CNOT6L: variants seen among roughly 807,000 people sequenced by gnomAD.
The protein encoded by CNOT6L is CCR4-NOT transcription complex subunit 6-like.
CNOT6L carries 7 observed loss-of-function variants against 64.0 expected under a neutral mutation model. That is an observed-to-expected ratio of 0.11 (90% CI 0.06 to 0.21). CNOT6L has a LOEUF of 0.21. Among genes scored for constraint, CNOT6L ranks in the 10% least tolerant of loss-of-function variants. CNOT6L has a pLI of 1.00. For synonymous variants in CNOT6L, 193 were observed against 243.4 expected, an observed-to-expected ratio of 0.79 and a Z score of 1.93; for missense variants, 245 against 669.0, an observed-to-expected ratio of 0.37 and a Z score of 6.99.
chr4:77,819,075 C>CACACACA (rs71214371), intron 1 of CNOT6L: 297 of 732,496 alleles, frequency 4.1e-4, no homozygotes, highest in Middle Eastern at 6.6e-4. Flanking sequence ...CACACACACA[C>CACACACA]CCCGGAACCT....
intron 7 of CNOT6L, among the ~76,000 whole-genome samples, chr4:77,742,921 T>C (rs1450517107): frequency 6.6e-6 from 1 of 152,184 alleles, no homozygotes; most frequent in Non-Finnish European, 1.5e-5. Context: ...TATGCAGATG[T>C]TTCTAACAGC....
At chr4:77,752,395 C>A (rs544600157) in intron 5 of CNOT6L, among the ~76,000 whole-genome samples, 14 of 152,058 alleles carry the variant, frequency 9.2e-5, no homozygotes, top group Non-Finnish European at 1.9e-4. Flanking sequence ...ATATAATGAA[C>A]AAACAAACTA....
chr4:77,737,875 G>GT (rs1560579623), intron 8 of CNOT6L, among the ~76,000 whole-genome samples: 93 of 152,218 alleles, frequency 6.1e-4, no homozygotes, highest in African/African-American at 2.2e-3. Context: ...GAAATTACCA[G>GT]AAGAGTACAG....
At chr4:77,726,920 AG>A (rs1458592114) in intron 10 of CNOT6L, among the ~76,000 whole-genome samples, 16 of 152,316 alleles carry the variant, frequency 1.1e-4, no homozygotes, top group East Asian at 3.9e-4. Context: ...GACACTATAA[AG>A]CATATTATAT....
chr4:77,788,972 A>C (rs1183644608), intron 1 of CNOT6L, among the ~76,000 whole-genome samples: 1 of 152,164 alleles, frequency 6.6e-6, no homozygotes, highest in Admixed American at 6.5e-5. Flanking sequence ...CTCTCTTTTC[A>C]TAAGTAAATA....
At chr4:77,801,364 G>C (rs1364646454) in intron 1 of CNOT6L, among the ~76,000 whole-genome samples, 2 of 152,010 alleles carry the variant, frequency 1.3e-5, no homozygotes, top group African/African-American at 4.8e-5. Flanking sequence ...CACTCACAAC[G>C]CCAGCTTCAC....
chr4:77,762,935 A>C (rs1726403701), intron 4 of CNOT6L, among the ~76,000 whole-genome samples: 1 of 152,184 alleles, frequency 6.6e-6, no homozygotes. Flanking sequence ...GAATTTCACT[A>C]TGTATAAATA....
At chr4:77,805,724 T>C (rs1732138944) in intron 1 of CNOT6L, among the ~76,000 whole-genome samples, 1 of 152,214 alleles carries the variant, frequency 6.6e-6, no homozygotes. Flanking sequence ...CAAGTCCTAT[T>C]TACTTTATTT....
chr4:77,759,225 C>T (rs1560593699), intron 4 of CNOT6L, among the ~76,000 whole-genome samples: 3 of 151,656 alleles, frequency 2.0e-5, no homozygotes, highest in African/African-American at 7.3e-5. Context: ...CATTTAAAAA[C>T]AGATTATAGT....
intron 11 of CNOT6L, among the ~76,000 whole-genome samples, chr4:77,722,786 T>C (rs1412452238): frequency 6.6e-6 from 1 of 152,168 alleles, no homozygotes; most frequent in Non-Finnish European, 1.5e-5. Context: ...TATGCATCTA[T>C]GAGGAGGATC....
At chr4:77,790,973 C>T (rs954238563) in intron 1 of CNOT6L, among the ~76,000 whole-genome samples, 10 of 150,952 alleles carry the variant, frequency 6.6e-5, no homozygotes, top group African/African-American at 2.4e-4. Flanking sequence ...AAAACTTTCA[C>T]ATTTTTAAAA....
intron 11 of CNOT6L, among the ~76,000 whole-genome samples, chr4:77,724,394 T>C (rs1333191189): frequency 2.6e-5 from 4 of 151,218 alleles, no homozygotes; most frequent in African/African-American, 4.9e-5. Flanking sequence ...ATCCCAGCAC[T>C]TTGGGAGGCT....
chr4:77,780,454 C>T (rs1018179636), intron 1 of CNOT6L, among the ~76,000 whole-genome samples: 8 of 152,224 alleles, frequency 5.3e-5, no homozygotes, highest in Non-Finnish European at 1.2e-4. Flanking sequence ...CAACACCTTT[C>T]CAACTTTGCC....
chr4:77,780,832 A>G (rs928037164), intron 1 of CNOT6L, among the ~76,000 whole-genome samples: 10 of 152,182 alleles, frequency 6.6e-5, no homozygotes, highest in African/African-American at 1.9e-4. Context: ...GCACAGCAGT[A>G]TACTCCTGTG....
intron 1 of CNOT6L, among the ~76,000 whole-genome samples, chr4:77,812,386 C>T (rs1733047098): frequency 6.7e-6 from 1 of 149,472 alleles, no homozygotes; most frequent in South Asian, 2.1e-4. Flanking sequence ...TGTAGTGAGC[C>T]AAGACAGTGC....
intron 4 of CNOT6L, among the ~76,000 whole-genome samples, chr4:77,760,254 T>C (rs536139205): frequency 2.6e-5 from 4 of 152,138 alleles, no homozygotes; most frequent in African/African-American, 7.2e-5. Context: ...TGTGCACCTA[T>C]AGTCTCAGCT....
At chr4:77,745,805 C>T (rs940517734) in intron 6 of CNOT6L, among the ~76,000 whole-genome samples, 8 of 152,146 alleles carry the variant, frequency 5.3e-5, no homozygotes, top group Non-Finnish European at 1.2e-4. Context: ...TTATAATGAA[C>T]AGACATGGTT....
intron 9 of CNOT6L, among the ~76,000 whole-genome samples, 161 bp downstream of exon 9, chr4:77,731,226 G>C (rs1237086878): frequency 6.6e-6 from 1 of 152,082 alleles, no homozygotes; most frequent in African/African-American, 2.4e-5. Context: ...AATATATGAT[G>C]CTTTACACAA....
intron 3 of CNOT6L, 65 bp downstream of exon 3, chr4:77,774,465 A>C: frequency 1.6e-6 from 2 of 1,261,330 alleles, no homozygotes; most frequent in Non-Finnish European, 2.2e-6. Flanking sequence ...TAATAAAGTA[A>C]CATCCCCTCA....
Sources: gnomAD v4.1 joint callset for allele counts (sites outside exome capture counted in the v4.1 genomes callset) on GRCh38, gnomAD v4.1.1 for gene constraint, MANE v1.5 for transcripts, NCBI Gene and HGNC (gene_info 2026-07-23, HGNC 2026-07-21) for gene names.